Variants in LARP1B observed in about 807,000 individuals in gnomAD.
LARP1B encodes La ribonucleoprotein 1B, also known as la-related protein 1B.
LARP1B carries 76 observed loss-of-function variants against 114.2 expected under a neutral mutation model. The ratio of observed to expected loss-of-function variants is 0.67; its 90% CI spans 0.55 to 0.81. The LOEUF (loss-of-function observed/expected upper bound fraction) is 0.81. Ranked by LOEUF, LARP1B falls within the 30% of genes least tolerant of loss-of-function variation. The pLI, the probability that LARP1B is intolerant of heterozygous loss-of-function variation, is 0.00. For missense variants in LARP1B, 1,014 were observed against 1,075.8 expected (o/e 0.94, Z 0.80); for synonymous variants, 345 against 348.0 (o/e 0.99, Z 0.10).
At chr4:128,203,726 G>A (rs1038687157) in intron 17 of LARP1B, among the ~76,000 whole-genome samples, 4 of 152,170 alleles carry the variant, frequency 2.6e-5, no homozygotes, top group Non-Finnish European at 5.9e-5. Flanking sequence ...TTGGTTGAAA[G>A]TAGTAATAAT....
Position 128,074,873 on chromosome 4 carries a change from T to C in LARP1B, c.-18-61T>C. ...CTCCTTTCACTTTTAGAAAATGTTT[T>C]TTTCCTGCTTAAAATTTCTAAAAGT... On this transcript the variant is annotated intron_variant, in intron 2 of 19. Transcript: ENST00000326639. The C allele has an allele frequency of 5.9e-6, 7 of 1,176,840 alleles. No homozygotes were observed. In the South Asian group the frequency reaches 9.2e-5, roughly 15 times the overall value. 72.9% of individuals were successfully genotyped at this position (1,176,840 alleles called of 1,614,324 possible).
intron 7 of LARP1B, among the ~76,000 whole-genome samples, chr4:128,221,443 C>T (rs1177094979): frequency 6.6e-6 from 1 of 152,118 alleles, no homozygotes; most frequent in Non-Finnish European, 1.5e-5. Flanking sequence ...TTACAATAAG[C>T]CTGTTTTTTC....
chr4:128,199,603 A>C lies in LARP1B; in HGVS notation c.2164+4A>C. 2 of 1,511,330 alleles carry C rather than the reference A, an allele frequency of 1.3e-6. No homozygotes were observed. Among genetic ancestry groups the C allele is most frequent in the South Asian group, 2.8e-5 (2 of 70,636 alleles). 93.6% of individuals were successfully genotyped at this position (1,511,330 alleles called of 1,614,324 possible). On this transcript the variant is annotated splice_donor_region_variant and intron_variant, in intron 16 of 19. Coordinates refer to ENST00000326639, the MANE Select transcript of LARP1B (RefSeq NM_018078.4). ...TATCGTCGAAGATGCCTAAGTGGTA[A>C]GATGCTTGTCCTTTATCTATCTAAT...
chr4:128,160,273 TCATAAA>T (rs972245311), intron 11 of LARP1B, among the ~76,000 whole-genome samples: 11 of 152,224 alleles, frequency 7.2e-5, no homozygotes, highest in Non-Finnish European at 1.3e-4. Context: ...TGGATCAGTC[TCATAAA>T]CATAATTTTG....
At chr4:128,173,244 CTGGTCATTTACATA>C (rs1302483218) in intron 12 of LARP1B, among the ~76,000 whole-genome samples, 2 of 152,104 alleles carry the variant, frequency 1.3e-5, no homozygotes, top group Non-Finnish European at 2.9e-5. Flanking sequence ...TGTGATAACG[CTGGTCATTTACATA>C]TGGCCTCTCG....
chr4:128,195,176 A>G (rs1753675995), intron 15 of LARP1B, among the ~76,000 whole-genome samples: 1 of 152,134 alleles, frequency 6.6e-6, no homozygotes, highest in South Asian at 2.1e-4. Context: ...CTCCTAGTCT[A>G]CTGAATGTTG....
intron 5 of LARP1B, among the ~76,000 whole-genome samples, chr4:128,082,598 T>A (rs1260737174): frequency 6.6e-6 from 1 of 151,742 alleles, no homozygotes; most frequent in East Asian, 2.0e-4. Flanking sequence ...ATCACCCATT[T>A]AATTTAATTT....
At chr4:128,067,180 C>T (rs1409553370) in intron 1 of LARP1B, among the ~76,000 whole-genome samples, 2 of 152,082 alleles carry the variant, frequency 1.3e-5, no homozygotes, top group African/African-American at 4.8e-5. Flanking sequence ...TTAAAGTTCA[C>T]AGTGGGTACC....
chr4:128,118,236 T>TC (rs1325426751), intron 10 of LARP1B, among the ~76,000 whole-genome samples: 1 of 146,282 alleles, frequency 6.8e-6, no homozygotes, highest in East Asian at 2.0e-4. Context: ...AGGTCTATTT[T>TC]TTTTTTTTTT....
intron 15 of LARP1B, among the ~76,000 whole-genome samples, chr4:128,197,594 T>TGAGGCA (rs1179272453): frequency 6.6e-6 from 1 of 151,978 alleles, no homozygotes; most frequent in Non-Finnish European, 1.5e-5. Context: ...CTCAGGAGGC[T>TGAGGCA]GAGGCAGGAG....
intron 19 of LARP1B, among the ~76,000 whole-genome samples, chr4:128,209,511 A>G (rs116076298): frequency 0.024 from 3,657 of 152,272 alleles, 133 homozygotes; most frequent in African/African-American, 0.084. Flanking sequence ...AACCACAAAC[A>G]TATGTTGAGT....
intron 1 of LARP1B, among the ~76,000 whole-genome samples, chr4:128,066,676 CTA>C (rs1403035022): frequency 6.6e-6 from 1 of 151,902 alleles, no homozygotes; most frequent in Non-Finnish European, 1.5e-5. Flanking sequence ...CAGGGTTTCT[CTA>C]TGTTGGTCAG....
At chr4:128,103,392 T>G (rs961276721) in intron 8 of LARP1B, among the ~76,000 whole-genome samples, 1 of 152,146 alleles carries the variant, frequency 6.6e-6, no homozygotes, top group Non-Finnish European at 1.5e-5. Flanking sequence ...AAAAAAGGTA[T>G]ATGGTAAAAA....
chr4:128,197,945 C>G (rs1044653113), intron 15 of LARP1B, among the ~76,000 whole-genome samples: 18 of 130,150 alleles, frequency 1.4e-4, no homozygotes, highest in African/African-American at 4.9e-4. Context: ...AGTGCAATGG[C>G]ATGATCTCTG....
chr4:128,087,962 C>T (rs965130430), intron 5 of LARP1B, among the ~76,000 whole-genome samples: 2 of 151,684 alleles, frequency 1.3e-5, no homozygotes, highest in African/African-American at 4.8e-5. Flanking sequence ...GTAATGGATT[C>T]TCATAATTTC....
intron 11 of LARP1B, chr4:128,122,438 GTTTT>G (rs377102754): frequency 2.5e-6 from 3 of 1,189,622 alleles, no homozygotes; most frequent in Non-Finnish European, 3.4e-6. Flanking sequence ...TTATACCCTT[GTTTT>G]TTTTTTTTTT....
At chr4:128,107,628 T>C in intron 9 of LARP1B, 2 of 1,406,918 alleles carry the variant, frequency 1.4e-6, no homozygotes, top group African/African-American at 2.9e-5. Context: ...CCTGTAAAAT[T>C]GGAATAGTAT....
chr4:128,071,803 G>A (rs2149355478), intron 1 of LARP1B, among the ~76,000 whole-genome samples: 1 of 150,608 alleles, frequency 6.6e-6, no homozygotes, highest in East Asian at 1.9e-4. Flanking sequence ...GATATCATCA[G>A]TGCATTTTCT....
intron 16 of LARP1B, among the ~76,000 whole-genome samples, chr4:128,199,806 C>G (rs900818785): frequency 9.9e-5 from 15 of 152,176 alleles, no homozygotes; most frequent in African/African-American, 3.6e-4. Context: ...ATATACTCGG[C>G]TGAGCATGGT....
Sources: allele counts gnomAD v4.1 joint callset (sites outside exome capture counted in the v4.1 genomes callset), GRCh38; gene constraint gnomAD v4.1.1; transcripts MANE v1.5; gene names NCBI Gene and HGNC (gene_info 2026-07-23, HGNC 2026-07-21).